The following COMMD1 variants were observed in gnomAD, a reference collection of about 807,000 sequenced individuals.
COMMD1 encodes copper metabolism domain containing 1.
In COMMD1, 10 loss-of-function variants were observed where a neutral mutation model predicts 17.2. The ratio of observed to expected loss-of-function variants is 0.58; its 90% confidence interval spans 0.36 to 0.99. The LOEUF (loss-of-function observed/expected upper bound fraction) is 0.99. COMMD1 is among the 50% of genes least tolerant of loss of function. The probability of loss-of-function intolerance (pLI) is 0.01; values close to 1 mark genes in which losing one functional copy is unlikely to be tolerated. For synonymous variants in COMMD1, 97 were observed against 91.6 expected (o/e 1.06, Z -0.34); for missense variants, 270 against 231.8 (o/e 1.17, Z -1.07).
chr2:62,092,503 G>A (rs1444316655), intron 2 of COMMD1, among the ~76,000 whole-genome samples: 2 of 152,150 alleles, frequency 1.3e-5, no homozygotes, highest in Non-Finnish European at 2.9e-5. Flanking sequence ...AGTGAAATGT[G>A]AATCCAAGAA....
intron 2 of COMMD1, among the ~76,000 whole-genome samples, chr2:62,041,425 G>A (rs1670193851): frequency 6.6e-6 from 1 of 151,888 alleles, no homozygotes. Context: ...TTAGTATTTT[G>A]AGATAGGGTC....
chr2:62,064,737 G>A (rs1670977579), intron 2 of COMMD1, among the ~76,000 whole-genome samples: 1 of 151,850 alleles, frequency 6.6e-6, no homozygotes, highest in African/African-American at 2.4e-5. Flanking sequence ...TTTTTTGTGA[G>A]TTTAGCCATT....
intron 2 of COMMD1, among the ~76,000 whole-genome samples, chr2:62,015,779 T>A (rs1249651273): frequency 6.6e-6 from 1 of 151,552 alleles, no homozygotes. Context: ...TGAGTTGAAG[T>A]CCTTAATGAT....
At chr2:62,087,816 A>G (rs980346333) in intron 2 of COMMD1, among the ~76,000 whole-genome samples, 8 of 152,218 alleles carry the variant, frequency 5.3e-5, no homozygotes, top group African/African-American at 1.7e-4. Context: ...GTGTTAGTCC[A>G]TATGTTAGTA....
intron 1 of COMMD1, among the ~76,000 whole-genome samples, chr2:61,892,684 A>T (rs1487903089): frequency 6.7e-6 from 1 of 149,098 alleles, no homozygotes. Context: ...ACAAGAGGGA[A>T]ACTCTGTCTC....
chr2:62,014,052 T>C (rs1558562497), intron 2 of COMMD1, among the ~76,000 whole-genome samples: 1 of 152,218 alleles, frequency 6.6e-6, no homozygotes, highest in Non-Finnish European at 1.5e-5. Context: ...TTATGTATAC[T>C]ATACCCAATA....
intron 2 of COMMD1, among the ~76,000 whole-genome samples, chr2:62,025,929 A>G (rs907463755): frequency 1.3e-5 from 2 of 152,078 alleles, no homozygotes; most frequent in African/African-American, 4.8e-5. Flanking sequence ...CCTGGCCTCA[A>G]GTGATCTGCC....
intron 2 of COMMD1, among the ~76,000 whole-genome samples, chr2:62,119,650 G>A (rs560567151): frequency 6.6e-6 from 1 of 152,294 alleles, no homozygotes; most frequent in Admixed American, 6.5e-5. Flanking sequence ...CCCTAATGGT[G>A]CTGTCATGAG....
chr2:61,915,810 TTTAAC>T, intron 1 of COMMD1: 1 of 355,308 alleles, frequency 2.8e-6, no homozygotes, highest in Non-Finnish European at 5.5e-6. Flanking sequence ...ATAGCCTTTA[TTTAAC>T]TTATTTATTT....
chr2:62,018,127 G>A (rs536344977), intron 2 of COMMD1, among the ~76,000 whole-genome samples: 9 of 151,980 alleles, frequency 5.9e-5, no homozygotes, highest in African/African-American at 1.7e-4. Context: ...AGGTACTTCC[G>A]TCTTCCCAAC....
At chr2:61,943,081 C>T (rs191199941) in intron 1 of COMMD1, among the ~76,000 whole-genome samples, 19 of 152,306 alleles carry the variant, frequency 1.2e-4, no homozygotes, top group African/African-American at 3.1e-4. Context: ...AGAAAAGTAA[C>T]AGCAGACTTA....
At chr2:61,994,929 C>T (rs1668714246) in intron 1 of COMMD1, among the ~76,000 whole-genome samples, 1 of 152,054 alleles carries the variant, frequency 6.6e-6, no homozygotes. Flanking sequence ...TTATGCCAGT[C>T]CCCATGGCCA....
At chr2:61,950,516 A>G (rs1671023486) in intron 1 of COMMD1, among the ~76,000 whole-genome samples, 1 of 152,222 alleles carries the variant, frequency 6.6e-6, no homozygotes, top group African/African-American at 2.4e-5. Context: ...CTATGTTCCA[A>G]GACCCCAGTG....
At chr2:61,911,064 C>G (rs779847978) in intron 1 of COMMD1, among the ~76,000 whole-genome samples, 2 of 142,898 alleles carry the variant, frequency 1.4e-5, no homozygotes, top group African/African-American at 2.6e-5. Context: ...GCCTGGGCAA[C>G]AAGAGCGAAA....
intron 2 of COMMD1, among the ~76,000 whole-genome samples, chr2:62,080,357 A>G (rs892195059): frequency 3.3e-5 from 5 of 152,230 alleles, no homozygotes; most frequent in African/African-American, 9.6e-5. Flanking sequence ...CCCTGTTCCT[A>G]GTACCCAGTA....
chr2:61,945,137 C>T lies in COMMD1; in HGVS notation c.180+39279C>T, dbSNP rs1324780734. ...CTCCAATGGTAAGGTGAAATTAAGA[C>T]CAGCTGATTGTTAATTGTAACTTTA... On this transcript the variant is annotated intron_variant, in intron 1 of 2. Transcript: ENST00000311832. Among the ~76,000 whole-genome samples the T allele has an allele frequency of 3.3e-5, 5 of 152,208 alleles. No homozygotes were observed. The East Asian group carries it at 9.6e-4, about 29-fold the overall frequency.
chr2:62,064,483 T>G (rs1339597411), intron 2 of COMMD1, among the ~76,000 whole-genome samples: 2 of 152,168 alleles, frequency 1.3e-5, no homozygotes, highest in Admixed American at 1.3e-4. Context: ...CCATAGTAGC[T>G]TTTTTATTCC....
chr2:62,102,830 C>T (rs560446067), intron 2 of COMMD1, among the ~76,000 whole-genome samples: 2 of 152,346 alleles, frequency 1.3e-5, no homozygotes, highest in South Asian at 2.1e-4. Context: ...ACAGAGGGTC[C>T]TGTCCCACAC....
chr2:61,926,193 C>T (rs1670326295), intron 1 of COMMD1, among the ~76,000 whole-genome samples: 1 of 152,048 alleles, frequency 6.6e-6, no homozygotes, highest in Admixed American at 6.6e-5. Flanking sequence ...GAATGGTCTC[C>T]ATCTCCTGAC....
Sources: allele counts gnomAD v4.1 joint callset (sites outside exome capture counted in the v4.1 genomes callset), GRCh38; gene constraint gnomAD v4.1.1; transcripts MANE v1.5; gene names NCBI Gene and HGNC (gene_info 2026-07-23, HGNC 2026-07-21).